Variants in RBMS3 observed in about 807,000 individuals in gnomAD.
RBMS3 encodes RNA-binding motif, single-stranded-interacting protein 3.
A neutral mutation model predicts 66.8 loss-of-function variants in RBMS3; 27 were observed. That is an observed-to-expected ratio of 0.40 (90% CI 0.30 to 0.56). The LOEUF is 0.56. Among genes scored for constraint, RBMS3 ranks in the 20% least tolerant of loss-of-function variants. The pLI is 0.40. For synonymous variants in RBMS3, 188 were observed against 183.0 expected (o/e 1.03, Z -0.22); for missense variants, 513 against 549.5 (o/e 0.93, Z 0.66).
chr3:29,847,762 TCTC>T (rs1170362925), intron 6 of RBMS3, among the ~76,000 whole-genome samples: 4 of 152,082 alleles, frequency 2.6e-5, no homozygotes, highest in Admixed American at 6.5e-5. Context: ...TTCACGCCAT[TCTC>T]CTGCCTCAGC....
chr3:29,981,544 C>A (rs1381072472), intron 12 of RBMS3, among the ~76,000 whole-genome samples: 1 of 152,120 alleles, frequency 6.6e-6, no homozygotes, highest in Non-Finnish European at 1.5e-5. Context: ...TTTGCCCATT[C>A]AGTATGACAT....
chr3:29,393,511 A>G (rs1575695898), intron 1 of RBMS3, among the ~76,000 whole-genome samples: 1 of 152,174 alleles, frequency 6.6e-6, no homozygotes, highest in East Asian at 1.9e-4. Flanking sequence ...TGGATGATGA[A>G]CTACCCAGAT....
intron 2 of RBMS3, among the ~76,000 whole-genome samples, chr3:29,444,577 G>T (rs2041747090): frequency 6.6e-6 from 1 of 151,908 alleles, no homozygotes; most frequent in Admixed American, 6.6e-5. Flanking sequence ...AAAGAAGAAA[G>T]TATTTAAAGA....
At chr3:29,430,966 T>G (rs2041162007) in intron 1 of RBMS3, among the ~76,000 whole-genome samples, 1 of 152,176 alleles carries the variant, frequency 6.6e-6, no homozygotes, top group African/African-American at 2.4e-5. Context: ...GGAAGCCACC[T>G]CGGCAAGCAT....
At chr3:29,684,454 A>G (rs2051626964) in intron 4 of RBMS3, among the ~76,000 whole-genome samples, 1 of 152,212 alleles carries the variant, frequency 6.6e-6, no homozygotes, top group Non-Finnish European at 1.5e-5. Context: ...ACATGGCTGT[A>G]TCATTTATGG....
At position 30,005,982 on chromosome 3, in the gene RBMS3, T is replaced by G. The variant is rs1460436116; in HGVS notation, c.*2120T>G. The G allele has an allele frequency of 6.6e-6, 1 of 151,924 alleles. No individual in the cohort carries two copies. Among genetic ancestry groups the G allele is most frequent in the Non-Finnish European group, 1.5e-5 (1 of 67,858 alleles). 9.4% of individuals were successfully genotyped at this position (151,924 alleles called of 1,614,324 possible). On this transcript the variant is annotated 3_prime_UTR_variant, in exon 15 of 15. Coordinates refer to ENST00000383767, the MANE Select transcript of RBMS3 (RefSeq NM_001003793.3). The stretch of plus-strand genomic sequence containing the variant: ...GACCCACCTGTAAAATATATCTACA[T>G]TTTTAATTCATGAGATGATATGTGT...
At chr3:29,962,565 T>TATATATATATATATATATATATATATAC (rs1559842174) in intron 12 of RBMS3, among the ~76,000 whole-genome samples, 9 of 150,534 alleles carry the variant, frequency 6.0e-5, no homozygotes, top group African/African-American at 2.0e-4. Context: ...TATATATATA[T>TATATATATATATATATATATATATATAC]ATAATACCAT....
At chr3:29,705,914 C>G (rs1400104573) in intron 4 of RBMS3, among the ~76,000 whole-genome samples, 2 of 152,158 alleles carry the variant, frequency 1.3e-5, no homozygotes, top group Non-Finnish European at 2.9e-5. Flanking sequence ...TGCCTGAAAA[C>G]AAGAGAGTAT....
chr3:29,567,341 C>T lies in RBMS3; in HGVS notation c.308-19773C>T, dbSNP rs530973136. 5.9e-5 allele frequency among the ~76,000 whole-genome samples: 9 copies of T among 152,212 alleles called. No individual in the cohort carries two copies. The East Asian group carries it at 1.7e-3, about 29-fold the overall frequency. Reference sequence around the variant, plus strand: ...ATAGACTGTTCTTGGCACTGGAGCCCACATCCTGTCTCCATATGTAAAAAT... The same window carrying T: ...ATAGACTGTTCTTGGCACTGGAGCCTACATCCTGTCTCCATATGTAAAAAT... On this transcript the variant is annotated intron_variant, in intron 3 of 14. Transcript: ENST00000383767.
intron 1 of RBMS3, among the ~76,000 whole-genome samples, chr3:29,372,178 A>G (rs1352906039): frequency 6.6e-6 from 1 of 152,134 alleles, no homozygotes; most frequent in African/African-American, 2.4e-5. Context: ...ACTACAAAAG[A>G]AATGATCTGG....
At chr3:29,824,339 C>T (rs563779138) in intron 6 of RBMS3, among the ~76,000 whole-genome samples, 5 of 152,118 alleles carry the variant, frequency 3.3e-5, no homozygotes, top group African/African-American at 4.8e-5. Flanking sequence ...TCATCAGACA[C>T]TGAATCTGCT....
chr3:29,464,537 T>C (rs55953038), intron 2 of RBMS3, among the ~76,000 whole-genome samples: 11,026 of 152,234 alleles, frequency 0.072, 476 homozygotes, highest in East Asian at 0.16. Flanking sequence ...ACAAGTAAAC[T>C]AGAAATAATC....
intron 3 of RBMS3, among the ~76,000 whole-genome samples, chr3:29,540,286 G>A (rs1030989220): frequency 6.6e-6 from 1 of 152,098 alleles, no homozygotes; most frequent in Non-Finnish European, 1.5e-5. Context: ...ATACTTCCCT[G>A]ATATATTATG....
chr3:29,837,926 G>A (rs894873094), intron 6 of RBMS3, among the ~76,000 whole-genome samples: 9 of 151,118 alleles, frequency 6.0e-5, no homozygotes, highest in African/African-American at 1.2e-4. Context: ...ATGTGTGAAA[G>A]GTGTCGAATT....
At chr3:29,751,752 T>C (rs2055193017) in intron 5 of RBMS3, among the ~76,000 whole-genome samples, 1 of 152,190 alleles carries the variant, frequency 6.6e-6, no homozygotes, top group Admixed American at 6.5e-5. Flanking sequence ...CCTTGGTACC[T>C]TTGTGGGACT....
At chr3:29,301,384 C>T (rs1401775302) in intron 1 of RBMS3, among the ~76,000 whole-genome samples, 2 of 151,898 alleles carry the variant, frequency 1.3e-5, no homozygotes, top group African/African-American at 2.4e-5. Flanking sequence ...GGAAATAATT[C>T]GTAACTAACA....
intron 3 of RBMS3, among the ~76,000 whole-genome samples, chr3:29,523,935 G>A (rs528823415): frequency 6.7e-4 from 101 of 151,854 alleles, no homozygotes; most frequent in African/African-American, 2.2e-3. Context: ...TGAGGTCCCC[G>A]TATGTTGCCC....
intron 4 of RBMS3, among the ~76,000 whole-genome samples, chr3:29,629,492 A>G (rs9846260): frequency 0.093 from 14,211 of 152,150 alleles, 1,183 homozygotes; most frequent in East Asian, 0.35. Context: ...TTTTATATGT[A>G]ATGTTCTAAG....
intron 4 of RBMS3, among the ~76,000 whole-genome samples, chr3:29,685,083 G>A (rs1019867479): frequency 1.3e-5 from 2 of 151,630 alleles, no homozygotes; most frequent in Admixed American, 6.6e-5. Context: ...TTTTGAGACG[G>A]AGTCTTGCTC....
Sources: allele counts gnomAD v4.1 joint callset (sites outside exome capture counted in the v4.1 genomes callset), GRCh38; gene constraint gnomAD v4.1.1; transcripts MANE v1.5; gene names NCBI Gene and HGNC (gene_info 2026-07-23, HGNC 2026-07-21).